Variants in EYS observed in about 807,000 individuals in gnomAD.
The protein encoded by EYS is protein eyes shut homolog.
In EYS, 250 loss-of-function variants were observed where a neutral mutation model predicts 282.1. The observed-to-expected ratio is 0.89, with a 90% CI of 0.80 to 0.98. The LOEUF is 0.98. Ranked by LOEUF, EYS falls within the 50% of genes least tolerant of loss-of-function variation. The pLI, the probability that EYS is intolerant of heterozygous loss-of-function variation, is 0.00. For synonymous variants in EYS, 1,355 were observed against 1,282.9 expected (o/e 1.06, Z -1.20); for missense variants, 4,016 against 3,709.0 (o/e 1.08, Z -2.15).
chr6:65,102,677 CAG>C lies in EYS; in HGVS notation c.2024-44952_2024-44951del, dbSNP rs528911669. Among the ~76,000 whole-genome samples, 39 of 151,118 alleles carry C rather than the reference CAG, an allele frequency of 2.6e-4. No individual in the cohort carries two copies. In the Middle Eastern group the frequency reaches 0.02, roughly 79 times the overall value. On this transcript the variant is annotated intron_variant, in intron 12 of 42. Transcript: ENST00000503581. The stretch of plus-strand genomic sequence containing the variant: ...TCAGTTCAGGCTTGATAATTTCACA[CAG>C]AGAAATAAAAATTAAGTTAAAATGC...
At chr6:65,556,989 G>T (rs1414509995) in intron 2 of EYS, among the ~76,000 whole-genome samples, 7 of 152,100 alleles carry the variant, frequency 4.6e-5, no homozygotes, top group Non-Finnish European at 1.0e-4. Flanking sequence ...CATAGATCTG[G>T]TTTCAGTATA....
At chr6:64,528,614 T>A (rs1043292428) in intron 26 of EYS, among the ~76,000 whole-genome samples, 1 of 152,022 alleles carries the variant, frequency 6.6e-6, no homozygotes, top group Non-Finnish European at 1.5e-5. Context: ...TCTATTCCCA[T>A]TACTTATTTA....
At chr6:64,666,077 G>T (rs990193297) in intron 22 of EYS, among the ~76,000 whole-genome samples, 3 of 152,160 alleles carry the variant, frequency 2.0e-5, no homozygotes, top group Non-Finnish European at 4.4e-5. Context: ...AGACACTGAG[G>T]TCTAAGTGTG....
chr6:65,046,908 T>G (rs770179679), intron 13 of EYS, among the ~76,000 whole-genome samples: 4 of 151,620 alleles, frequency 2.6e-5, no homozygotes, highest in Admixed American at 6.6e-5. Context: ...TCATTTTGAG[T>G]TCATGGGAGA....
At chr6:65,235,181 T>C (rs1766890583) in intron 12 of EYS, among the ~76,000 whole-genome samples, 1 of 152,206 alleles carries the variant, frequency 6.6e-6, no homozygotes, top group African/African-American at 2.4e-5. Context: ...ATTTTGTAGT[T>C]GTGCTATTAC....
At chr6:64,932,101 G>T (rs79991691) in intron 15 of EYS, among the ~76,000 whole-genome samples, 4,934 of 152,158 alleles carry the variant, frequency 0.032, 138 homozygotes, top group East Asian at 0.13. Context: ...CAAGAAAAAT[G>T]ATTGAATCTC....
chr6:65,515,459 A>C (rs1442034884), intron 2 of EYS, among the ~76,000 whole-genome samples: 1 of 151,592 alleles, frequency 6.6e-6, no homozygotes, highest in Non-Finnish European at 1.5e-5. Flanking sequence ...CCAAAGGACT[A>C]TAAATCATGC....
Position 64,473,759 on chromosome 6 carries a change from C to T in EYS, c.5645-34407G>A, listed in dbSNP as rs529275159. ...TCTGGGACTCCCACTTTGGGACTCA[C>T]GGATCACCAGCCAGAATGGGTCTCA... On this transcript the variant is annotated intron_variant, in intron 26 of 42. Coordinates refer to ENST00000503581, the MANE Select transcript of EYS (RefSeq NM_001142800.2). Among the ~76,000 whole-genome samples, 193 of 152,228 alleles carry T rather than the reference C, an allele frequency of 1.3e-3. No homozygotes were observed. The Middle Eastern group carries it at 0.031, about 24-fold the overall frequency.
At chr6:64,966,288 T>C (rs1770092434) in intron 14 of EYS, among the ~76,000 whole-genome samples, 1 of 152,146 alleles carries the variant, frequency 6.6e-6, no homozygotes, top group African/African-American at 2.4e-5. Flanking sequence ...CTAAATTGGT[T>C]TGTTAGTATG....
intron 22 of EYS, among the ~76,000 whole-genome samples, chr6:64,798,784 T>A (rs886480279): frequency 4.6e-5 from 7 of 151,826 alleles, no homozygotes; most frequent in Admixed American, 3.3e-4. Flanking sequence ...CTCAGGATAT[T>A]TTTGCATTTG....
intron 26 of EYS, among the ~76,000 whole-genome samples, chr6:64,530,354 ATCTT>A (rs1764286354): frequency 6.6e-6 from 1 of 152,032 alleles, no homozygotes; most frequent in South Asian, 2.1e-4. Flanking sequence ...CTAATAAAAT[ATCTT>A]TATTTCTCTA....
chr6:64,895,412 G>A (rs1316037607), intron 18 of EYS, among the ~76,000 whole-genome samples: 1 of 152,026 alleles, frequency 6.6e-6, no homozygotes, highest in African/African-American at 2.4e-5. Context: ...TCTTAAATTG[G>A]CCTACCCATT....
chr6:64,163,862 G>A (rs1430673082), intron 31 of EYS, among the ~76,000 whole-genome samples: 1 of 152,108 alleles, frequency 6.6e-6, no homozygotes, highest in Non-Finnish European at 1.5e-5. Context: ...AGCTAGGGGA[G>A]AGAAGCAGAC....
intron 12 of EYS, among the ~76,000 whole-genome samples, chr6:65,240,328 A>G (rs527498042): frequency 5.7e-4 from 87 of 152,006 alleles, no homozygotes; most frequent in Admixed American, 1.2e-3. Flanking sequence ...GGTTTGTTAC[A>G]TGGGCATATT....
At chr6:64,576,197 T>G (rs1158931957) in intron 26 of EYS, among the ~76,000 whole-genome samples, 1 of 152,084 alleles carries the variant, frequency 6.6e-6, no homozygotes, top group Non-Finnish European at 1.5e-5. Context: ...GTGAAAAACC[T>G]GTAGTAAGTG....
intron 13 of EYS, among the ~76,000 whole-genome samples, chr6:65,048,397 C>G (rs893426278): frequency 2.0e-5 from 3 of 151,840 alleles, no homozygotes; most frequent in African/African-American, 7.2e-5. Flanking sequence ...ACTGTCCAAT[C>G]CTATTTAGGA....
At chr6:65,476,182 T>C (rs867986831) in intron 5 of EYS, among the ~76,000 whole-genome samples, 4 of 152,152 alleles carry the variant, frequency 2.6e-5, no homozygotes, top group Non-Finnish European at 5.9e-5. Flanking sequence ...CACCAAATGG[T>C]GGCCTCATCT....
intron 12 of EYS, among the ~76,000 whole-genome samples, chr6:65,157,818 A>C (rs1010000722): frequency 3.3e-5 from 5 of 150,586 alleles, no homozygotes; most frequent in Non-Finnish European, 6.0e-5. Flanking sequence ...TAACTTTAAC[A>C]TGTTTTCTTT....
chr6:64,942,847 A>AAT, intron 15 of EYS, among the ~76,000 whole-genome samples: 1 of 150,940 alleles, frequency 6.6e-6, no homozygotes, highest in Non-Finnish European at 1.5e-5. Context: ...AAAAAAACAA[A>AAT]AATGAAGTCG....
Sources: allele counts gnomAD v4.1 joint callset (sites outside exome capture counted in the v4.1 genomes callset), GRCh38; gene constraint gnomAD v4.1.1; transcripts MANE v1.5; gene names NCBI Gene and HGNC (gene_info 2026-07-23, HGNC 2026-07-21).